Variants in CASP4 observed in about 807,000 individuals in gnomAD.
CASP4 encodes caspase 4, also known as caspase-4.
A neutral mutation model predicts 41.3 loss-of-function variants in CASP4; 29 were observed. The ratio of observed to expected loss-of-function variants is 0.70; its 90% confidence interval spans 0.52 to 0.96. The LOEUF (loss-of-function observed/expected upper bound fraction) is 0.96. CASP4 is among the 40% of genes least tolerant of loss of function. The pLI is 0.00. For missense variants in CASP4, 447 were observed against 460.6 expected (o/e 0.97, Z 0.27); for synonymous variants, 185 against 158.4 (o/e 1.17, Z -1.26).
At chr11:104,964,159 C>A (rs1488952692) in intron 1 of CASP4, among the ~76,000 whole-genome samples, 3 of 152,156 alleles carry the variant, frequency 2.0e-5, no homozygotes, top group African/African-American at 7.2e-5. Context: ...AGACTTTTGT[C>A]ATCCACAGAC....
intron 1 of CASP4, among the ~76,000 whole-genome samples, chr11:104,962,164 T>C (rs55932228): frequency 0.04 from 6,130 of 152,232 alleles, 150 homozygotes; most frequent in South Asian, 0.11. Context: ...AAACAGAAAA[T>C]GGTGACTTTT....
At chr11:104,959,058 A>T (rs2134652244) in intron 1 of CASP4, among the ~76,000 whole-genome samples, 1 of 151,900 alleles carries the variant, frequency 6.6e-6, no homozygotes, top group South Asian at 2.1e-4. Flanking sequence ...AGAGCTAAAG[A>T]TATGATCAAG....
intron 1 of CASP4, among the ~76,000 whole-genome samples, chr11:104,956,200 A>T (rs1860733388): frequency 6.6e-6 from 1 of 152,128 alleles, no homozygotes; most frequent in Admixed American, 6.6e-5. Context: ...AGGTTTTACA[A>T]ATGTTAATAT....
chr11:104,967,763 G>A (rs1213596317), intron 1 of CASP4, among the ~76,000 whole-genome samples: 1 of 152,180 alleles, frequency 6.6e-6, no homozygotes, highest in Admixed American at 6.5e-5. Context: ...ATAAGGTTTA[G>A]AATTCACTGA....
rs866373198 is a variant in CASP4, at chr11:104,951,063, G to T, written c.408C>A (p.Arg136=). 2 of 1,613,164 alleles carry T rather than the reference G, an allele frequency of 1.2e-6. No individual in the cohort carries two copies. Among genetic ancestry groups the T allele is most frequent in the Non-Finnish European group, 1.7e-6 (2 of 1,179,478 alleles). The part of the protein sequence containing the change: ...YPIKERNNRT[R]LALIICNTEF... ...CTGTATTGCATATGATGAGAGCCAG[G>T]CGTGTGCGGTTGTTTCTCTCCTTTA... The change falls in exon 4 of 9, where the codon CGC becomes CGA. Residue 136 remains arginine, a synonymous_variant. Coordinates refer to ENST00000444739, the MANE Select transcript of CASP4 (RefSeq NM_001225.4).
intron 4 of CASP4, among the ~76,000 whole-genome samples, chr11:104,950,138 A>G (rs1860571295): frequency 1.3e-5 from 2 of 152,158 alleles, no homozygotes; most frequent in South Asian, 2.1e-4. Context: ...TGCTTAGAAT[A>G]GAATCAAACT....
Position 104,950,915 on chromosome 11 carries a change from G to A in CASP4, c.546+10C>T. ...TATGTATGTGTTTGTGGCGGCTGAG[G>A]GATTCTTACCCTGGCTGTCAGATTC... On this transcript the variant is annotated intron_variant, in intron 4 of 8. Transcript: ENST00000444739. 1.2e-6 allele frequency: 2 copies of A among 1,608,768 alleles called. No individual in the cohort carries two copies. The highest frequency in any genetic ancestry group is 1.7e-6 in the Non-Finnish European group (2 of 1,177,222).
In CASP4 at chr11:104,954,796, C is replaced by T; in HGVS notation, c.213G>A (p.Met71Ile). 1 of 1,613,638 alleles carries T rather than the reference C, an allele frequency of 6.2e-7. No homozygotes were observed. The highest frequency in any genetic ancestry group is 2.2e-5 in the East Asian group (1 of 44,864). Residue 71 changes from methionine (M) to isoleucine (I), a missense_variant, in exon 2 of 9, where the codon ATG becomes ATA. Transcript: ENST00000444739. Reference protein sequence around the residue: ...MQEKQRMAGQMLLQTFFNIDQ... With the variant: ...MQEKQRMAGQILLQTFFNIDQ... Reference sequence around the variant, plus strand: ...CTATGTTAAAAAAGGTTTGAAGAAGCATTTGTCCTGCCATACGTTGCTTCT... The same window carrying T: ...CTATGTTAAAAAAGGTTTGAAGAAGTATTTGTCCTGCCATACGTTGCTTCT...
intron 1 of CASP4, among the ~76,000 whole-genome samples, chr11:104,967,769 ACTGAT>A (rs1413029307): frequency 5.3e-5 from 8 of 152,184 alleles, no homozygotes; most frequent in African/African-American, 1.9e-4. Flanking sequence ...TTTAGAATTC[ACTGAT>A]CTAGTCCAAT....
Position 104,949,777 on chromosome 11 carries a change from C to A in CASP4, c.547G>T (p.Asp183Tyr), listed in dbSNP as rs552224767. 5.6e-6 allele frequency: 9 copies of A among 1,613,482 alleles called. No individual in the cohort carries two copies. In the African/African-American group the frequency reaches 8.0e-5, roughly 14 times the overall value. ...AATGCCCTCAGCGCTGACTCCATAT[C>A]CTGTAAAAGAGCAATGTCTAACTTC... ...VDVEENLTAR[D>Y]MESALRAFAT... The change falls in exon 5 of 9, where the codon GAT becomes TAT. Residue 183 changes from aspartate to tyrosine, a missense_variant and splice_region_variant. Coordinates refer to ENST00000444739, the MANE Select transcript of CASP4 (RefSeq NM_001225.4).
rs368964747 is a variant in CASP4 at position 104,954,606 on chromosome 11, T to C, written c.262+141A>G. Reference sequence around the variant, plus strand: ...CACCCCACAAAAGGGAAGTGGTCTCTAAAAGGACAAAGATAGGTTTAGTGA... The same window carrying C: ...CACCCCACAAAAGGGAAGTGGTCTCCAAAAGGACAAAGATAGGTTTAGTGA... On this transcript the variant is annotated intron_variant, in intron 2 of 8. Coordinates refer to ENST00000444739, the MANE Select transcript of CASP4 (RefSeq NM_001225.4). 1.9e-4 allele frequency: 162 copies of C among 832,828 alleles called. 1 individual carries two copies. In the African/African-American group the frequency reaches 2.3e-3, roughly 12 times the overall value. 51.6% of individuals were successfully genotyped at this position (832,828 alleles called of 1,614,324 possible). A position where few individuals can be genotyped will look rare whatever the true frequency, so the allele number is the denominator to read the frequency against.
Position 104,949,134 on chromosome 11 carries a change from C to T in CASP4, c.781+409G>A. 3 of 274,974 alleles carry T rather than the reference C, an allele frequency of 1.1e-5. No homozygotes were observed. The South Asian group carries it at 1.3e-4, about 12-fold the overall frequency. The allele number at this position is 274,974 out of a possible 1,614,324, so 17.0% of individuals were successfully genotyped here. A position where few individuals can be genotyped will look rare whatever the true frequency, so the allele number is the denominator to read the frequency against. On this transcript the variant is annotated intron_variant, in intron 5 of 8. Coordinates refer to ENST00000444739, the MANE Select transcript of CASP4 (RefSeq NM_001225.4). ...CCCTGATCTCTTTACTAATTTCCCCCTCAATAATTATAAGAAAAAGGGATG... is the reference window on the plus strand; with the variant it reads ...CCCTGATCTCTTTACTAATTTCCCCTTCAATAATTATAAGAAAAAGGGATG...
rs56678254 is a variant in CASP4 at position 104,958,960 on chromosome 11, C to CAAAAAAAAAAAAAAAAAAAAAAAAAAA, written c.8-3986_8-3960dup. Reference sequence around the variant, plus strand: ...TAGGCAACAGAGTGAGACTCTGTCTCAAAAAAAAAAAAAAAAAAAAAAAAA... The same window carrying CAAAAAAAAAAAAAAAAAAAAAAAAAAA: ...TAGGCAACAGAGTGAGACTCTGTCTCAAAAAAAAAAAAAAAAAAAAAAAAAAAAAAAAAAAAAAAAAAAAAAAAAAAA... On this transcript the variant is annotated intron_variant, in intron 1 of 8. Transcript: ENST00000444739. 3.2e-5 allele frequency among the ~76,000 whole-genome samples: 2 copies of CAAAAAAAAAAAAAAAAAAAAAAAAAAA among 62,466 alleles called. 1 individual carries two copies. The allele number at this position is 62,466 out of a possible 152,430, so 41.0% of individuals were successfully genotyped here.
intron 8 of CASP4, chr11:104,944,128 A>C (rs1364497123): frequency 6.6e-6 from 1 of 152,290 alleles, no homozygotes; most frequent in African/African-American, 2.4e-5. Flanking sequence ...GGTGATCTGC[A>C]TTGTGAGAAC....
chr11:104,951,166 A>G, intron 3 of CASP4, 68 bp from the exon 4 acceptor site: 1 of 1,430,876 alleles, frequency 7.0e-7, no homozygotes, highest in Non-Finnish European at 9.6e-7. Context: ...TATGCCTATC[A>G]GTGTTGCTTT....
chr11:104,961,237 T>G (rs1860851932), intron 1 of CASP4, among the ~76,000 whole-genome samples: 1 of 152,192 alleles, frequency 6.6e-6, no homozygotes, highest in Non-Finnish European at 1.5e-5. Flanking sequence ...AACGGAGAAA[T>G]AATCCTGGAG....
intron 1 of CASP4, among the ~76,000 whole-genome samples, chr11:104,967,379 G>T (rs1298069516): frequency 6.6e-6 from 1 of 152,112 alleles, no homozygotes; most frequent in Non-Finnish European, 1.5e-5. Flanking sequence ...AGTAAATACA[G>T]TATTTTTTTA....
chr11:104,962,547 C>A (rs959838658), intron 1 of CASP4, among the ~76,000 whole-genome samples: 2 of 152,184 alleles, frequency 1.3e-5, no homozygotes, highest in Non-Finnish European at 2.9e-5. Flanking sequence ...GCTTTTCAAG[C>A]CAGCTCAGCA....
At chr11:104,951,683 T>G in intron 3 of CASP4, 1 of 582,786 alleles carries the variant, frequency 1.7e-6, no homozygotes, top group South Asian at 2.0e-5. Context: ...ATACCAATTT[T>G]CTTTCAACTC....
Sources: allele counts gnomAD v4.1 joint callset (sites outside exome capture counted in the v4.1 genomes callset), GRCh38; gene constraint gnomAD v4.1.1; transcripts MANE v1.5; gene names NCBI Gene and HGNC (gene_info 2026-07-23, HGNC 2026-07-21).